The following LINGO1 variants were observed in gnomAD, a reference collection of about 807,000 sequenced individuals.
LINGO1 encodes the protein leucine rich repeat and Ig domain containing 1.
Under a neutral mutation model 37.3 loss-of-function variants are expected in LINGO1, and 11 were observed. The observed-to-expected ratio is 0.29, with a 90% confidence interval of 0.19 to 0.49. LINGO1 has a LOEUF of 0.49. Ranked by LOEUF, LINGO1 falls within the 20% of genes least tolerant of loss-of-function variation. LINGO1 has a pLI of 0.99. For synonymous variants in LINGO1, 387 were observed against 403.0 expected (o/e 0.96, Z 0.48); for missense variants, 585 against 878.2 (o/e 0.67, Z 4.22).
chr15:77,709,408 C>T (rs1410048839), intron 2 of LINGO1, among the ~76,000 whole-genome samples: 1 of 152,208 alleles, frequency 6.6e-6, no homozygotes, highest in Non-Finnish European at 1.5e-5. Context: ...ATTCCCGTCC[C>T]ACCGATTTGG....
chr15:77,673,422 G>A (rs1029485331), intron 3 of LINGO1, among the ~76,000 whole-genome samples: 5 of 142,222 alleles, frequency 3.5e-5, no homozygotes, highest in Admixed American at 7.0e-5. Flanking sequence ...CGCCCCAATC[G>A]CTGAAACTAT....
At chr15:77,671,570 G>T (rs868258523) in intron 3 of LINGO1, among the ~76,000 whole-genome samples, 2 of 152,224 alleles carry the variant, frequency 1.3e-5, no homozygotes, top group African/African-American at 4.8e-5. Flanking sequence ...TTGGGAGAGA[G>T]GCCCCAGCTT....
chr15:77,755,388 G>A (rs913380569), intron 1 of LINGO1, among the ~76,000 whole-genome samples: 1 of 152,242 alleles, frequency 6.6e-6, no homozygotes, highest in African/African-American at 2.4e-5. Context: ...TGGTAGAAAT[G>A]AGGAAACTGA....
chr15:77,720,795 A>T (rs1467926375), intron 2 of LINGO1: 1 of 151,652 alleles, frequency 6.6e-6, no homozygotes, highest in Non-Finnish European at 1.5e-5. Flanking sequence ...TCCTGTGCTC[A>T]CACCCCAGCT....
intron 1 of LINGO1, among the ~76,000 whole-genome samples, chr15:77,623,900 GGT>G (rs1567461846): frequency 1.4e-5 from 2 of 144,728 alleles, no homozygotes; most frequent in Non-Finnish European, 3.0e-5. Context: ...ATGTGTGTGT[GGT>G]CTCTGTGTGT....
At chr15:77,742,509 C>T (rs2076274420) in intron 1 of LINGO1, among the ~76,000 whole-genome samples, 1 of 152,190 alleles carries the variant, frequency 6.6e-6, no homozygotes, top group Admixed American at 6.5e-5. Flanking sequence ...GGCACACAGC[C>T]AGCACCTGGT....
At chr15:77,645,566 C>T (rs2074607331) in intron 3 of LINGO1, among the ~76,000 whole-genome samples, 1 of 152,248 alleles carries the variant, frequency 6.6e-6, no homozygotes, top group South Asian at 2.1e-4. Context: ...ACATCGTGAA[C>T]AAATTCAGGG....
At chr15:77,761,761 T>C (rs574662265) in intron 1 of LINGO1, among the ~76,000 whole-genome samples, 1 of 152,288 alleles carries the variant, frequency 6.6e-6, no homozygotes, top group South Asian at 2.1e-4. Context: ...TCACTAGGTG[T>C]CTGTAGCCTC....
intron 2 of LINGO1, among the ~76,000 whole-genome samples, chr15:77,724,723 G>C (rs1324445155): frequency 6.6e-6 from 1 of 152,156 alleles, no homozygotes; most frequent in South Asian, 2.1e-4. Context: ...AGAGGGCCAC[G>C]AGCACCCAGG....
At chr15:77,769,205 C>T (rs2076559625) in intron 1 of LINGO1, among the ~76,000 whole-genome samples, 1 of 152,230 alleles carries the variant, frequency 6.6e-6, no homozygotes, top group Non-Finnish European at 1.5e-5. Flanking sequence ...CCATTGGCTG[C>T]CTAAAGGCAG....
chr15:77,815,793 T>C (rs1596256250), intron 1 of LINGO1, among the ~76,000 whole-genome samples: 2 of 152,122 alleles, frequency 1.3e-5, no homozygotes, highest in Non-Finnish European at 2.9e-5. Flanking sequence ...GCACATCTAA[T>C]TGTGTTCCTC....
Position 77,628,858 on chromosome 15 carries a change from C to T in LINGO1, c.6+3452G>A, listed in dbSNP as rs981657652. Among the ~76,000 whole-genome samples the T allele has an allele frequency of 3.9e-5, 6 of 152,208 alleles. 1 individual carries two copies. The stretch of plus-strand genomic sequence containing the variant: ...TCACAGCAAGTCACTCGCCACCTCT[C>T]TGGCTCTGTTTTCTTGGGTATAAAA... On this transcript the variant is annotated intron_variant, in intron 1 of 1. Coordinates refer to ENST00000355300, the MANE Select transcript of LINGO1 (RefSeq NM_032808.7).
intron 3 of LINGO1, among the ~76,000 whole-genome samples, chr15:77,653,673 T>C (rs1357934521): frequency 6.6e-6 from 1 of 152,192 alleles, no homozygotes; most frequent in Admixed American, 6.5e-5. Flanking sequence ...CACCATGCCA[T>C]GTGCCCCTCG....
chr15:77,739,742 T>A (rs1294833449), intron 1 of LINGO1, among the ~76,000 whole-genome samples: 2 of 152,338 alleles, frequency 1.3e-5, no homozygotes, highest in East Asian at 1.9e-4. Context: ...CCCACTGAGG[T>A]GCTGCCAAAG....
chr15:77,643,684 A>G (rs1439107221), intron 3 of LINGO1, among the ~76,000 whole-genome samples: 1 of 152,186 alleles, frequency 6.6e-6, no homozygotes, highest in Non-Finnish European at 1.5e-5. Flanking sequence ...TGGCCACCCC[A>G]GCACCATGGT....
intron 2 of LINGO1, among the ~76,000 whole-genome samples, chr15:77,709,162 A>T (rs909323121): frequency 6.6e-6 from 1 of 152,228 alleles, no homozygotes; most frequent in Non-Finnish European, 1.5e-5. Context: ...CACCAGGTTT[A>T]TAGTAATTTG....
At chr15:77,690,468 G>A (rs1340474557) in intron 2 of LINGO1, among the ~76,000 whole-genome samples, 1 of 152,170 alleles carries the variant, frequency 6.6e-6, no homozygotes, top group Non-Finnish European at 1.5e-5. Flanking sequence ...ACCAGGTTCT[G>A]GTTGCACCGT....
At chr15:77,623,082 C>G (rs1455530596) in intron 1 of LINGO1, among the ~76,000 whole-genome samples, 1 of 152,234 alleles carries the variant, frequency 6.6e-6, no homozygotes, top group Non-Finnish European at 1.5e-5. Flanking sequence ...ATCAAAGGAA[C>G]AGAGAGAGCC....
At chr15:77,626,461 CAG>C (rs1325992872) in intron 1 of LINGO1, among the ~76,000 whole-genome samples, 4 of 152,336 alleles carry the variant, frequency 2.6e-5, no homozygotes, top group African/African-American at 7.2e-5. Flanking sequence ...ACGCCACTGC[CAG>C]AGTCCATTTT....
Sources: allele counts gnomAD v4.1 joint callset (sites outside exome capture counted in the v4.1 genomes callset), GRCh38; gene constraint gnomAD v4.1.1; transcripts MANE v1.5; gene names NCBI Gene and HGNC (gene_info 2026-07-23, HGNC 2026-07-21).